Variants in PDGFD observed in about 807,000 individuals in gnomAD.
PDGFD encodes platelet derived growth factor D, also known as platelet-derived growth factor D.
In PDGFD, 30 loss-of-function variants were observed where a neutral mutation model predicts 44.7. The ratio of observed to expected loss-of-function variants is 0.67; its 90% confidence interval spans 0.50 to 0.91. The LOEUF (loss-of-function observed/expected upper bound fraction) is 0.91, where lower values mean the gene tolerates loss of function less well. PDGFD is among the 40% of genes least tolerant of loss of function. The pLI is 0.00. For missense variants in PDGFD, 445 were observed against 457.8 expected, an observed-to-expected ratio of 0.97 and a Z score of 0.25; for synonymous variants, 173 against 168.4, an observed-to-expected ratio of 1.03 and a Z score of -0.21.
intron 3 of PDGFD, among the ~76,000 whole-genome samples, chr11:103,967,010 C>T (rs151266541): frequency 3.9e-5 from 6 of 152,300 alleles, no homozygotes; most frequent in African/African-American, 1.4e-4. Context: ...TGGCTTCATT[C>T]AAGCACTTTC....
intron 1 of PDGFD, among the ~76,000 whole-genome samples, chr11:104,028,441 T>G (rs1860078879): frequency 1.3e-5 from 2 of 151,352 alleles, no homozygotes; most frequent in Non-Finnish European, 1.5e-5. Flanking sequence ...TTTTTGCTTT[T>G]TTTTTTTTCA....
chr11:104,022,266 T>C (rs778982269), intron 1 of PDGFD, among the ~76,000 whole-genome samples: 3 of 152,170 alleles, frequency 2.0e-5, no homozygotes, highest in Non-Finnish European at 4.4e-5. Flanking sequence ...GTGGACTCAA[T>C]TGATCTACAA....
At chr11:104,149,083 G>A (rs1862207502) in intron 1 of PDGFD, among the ~76,000 whole-genome samples, 1 of 152,050 alleles carries the variant, frequency 6.6e-6, no homozygotes. Flanking sequence ...CAAGAGTTTG[G>A]TTCAATTTCA....
At chr11:104,032,512 A>G (rs1034959905) in intron 1 of PDGFD, among the ~76,000 whole-genome samples, 1 of 152,180 alleles carries the variant, frequency 6.6e-6, no homozygotes, top group African/African-American at 2.4e-5. Flanking sequence ...ATTACTGTAT[A>G]TGTTACATAG....
chr11:104,126,659 T>C (rs1861845464), intron 1 of PDGFD, among the ~76,000 whole-genome samples: 1 of 152,140 alleles, frequency 6.6e-6, no homozygotes, highest in Non-Finnish European at 1.5e-5. Flanking sequence ...CATATCTACA[T>C]AATGTGACAG....
chr11:104,035,115 T>C (rs1860203630), intron 1 of PDGFD, among the ~76,000 whole-genome samples: 1 of 152,078 alleles, frequency 6.6e-6, no homozygotes, highest in African/African-American at 2.4e-5. Flanking sequence ...GAGAGAGGCA[T>C]ATTGGCCTCT....
At chr11:103,923,201 A>G (rs1037019051) in intron 6 of PDGFD, among the ~76,000 whole-genome samples, 1 of 152,042 alleles carries the variant, frequency 6.6e-6, no homozygotes, top group Non-Finnish European at 1.5e-5. Context: ...TTCCTACTCT[A>G]TATCTAGTAT....
intron 3 of PDGFD, among the ~76,000 whole-genome samples, chr11:103,981,229 C>T (rs914226613): frequency 1.1e-4 from 17 of 151,568 alleles, no homozygotes; most frequent in African/African-American, 4.1e-4. Context: ...TGCAAACTCC[C>T]TTACCGTGTA....
intron 5 of PDGFD, among the ~76,000 whole-genome samples, chr11:103,942,450 T>A (rs1400137940): frequency 6.6e-6 from 1 of 152,130 alleles, no homozygotes; most frequent in Non-Finnish European, 1.5e-5. Context: ...TTTATTTTTT[T>A]AGTTTAAGCA....
chr11:104,013,183 T>C (rs1030668976), intron 1 of PDGFD, among the ~76,000 whole-genome samples: 15 of 152,142 alleles, frequency 9.9e-5, no homozygotes, highest in African/African-American at 3.4e-4. Context: ...GGGAAGATTA[T>C]CTTCCCAATC....
At chr11:103,938,271 T>C (rs961686447) in intron 5 of PDGFD, among the ~76,000 whole-genome samples, 17 of 152,220 alleles carry the variant, frequency 1.1e-4, no homozygotes, top group Admixed American at 2.6e-4. Flanking sequence ...TGGTATCTCA[T>C]TGTGGTTTTG....
intron 1 of PDGFD, among the ~76,000 whole-genome samples, chr11:104,012,823 AG>A (rs1403748592): frequency 6.6e-6 from 1 of 152,246 alleles, no homozygotes; most frequent in Non-Finnish European, 1.5e-5. Flanking sequence ...AGAGCTATGC[AG>A]GGGAAACCAG....
At chr11:104,050,208 T>C (rs1860510392) in intron 1 of PDGFD, among the ~76,000 whole-genome samples, 1 of 152,102 alleles carries the variant, frequency 6.6e-6, no homozygotes, top group Non-Finnish European at 1.5e-5. Context: ...AAGAGTTCAT[T>C]ACTTGTAATA....
At chr11:103,962,340 T>C (rs1199648868) in intron 3 of PDGFD, among the ~76,000 whole-genome samples, 1 of 152,176 alleles carries the variant, frequency 6.6e-6, no homozygotes, top group Non-Finnish European at 1.5e-5. Context: ...GAGGATTCAA[T>C]AGATGAGAAT....
intron 1 of PDGFD, chr11:104,037,668 G>A (rs1860274062): frequency 6.2e-7 from 1 of 1,614,172 alleles, no homozygotes; most frequent in Non-Finnish European, 8.5e-7. Context: ...TGAGGCTGGT[G>A]GACCGACGGT....
At chr11:103,997,931 T>A (rs1465182498) in intron 2 of PDGFD, among the ~76,000 whole-genome samples, 1 of 152,064 alleles carries the variant, frequency 6.6e-6, no homozygotes, top group Non-Finnish European at 1.5e-5. Context: ...TACTTCTACT[T>A]CCTTCCATAA....
At position 104,000,250 on chromosome 11, in the gene PDGFD, T is replaced by G. The variant is rs775874895; in HGVS notation, c.130A>C (p.Asn44His). 1 of 1,613,670 alleles carries G rather than the reference T, an allele frequency of 6.2e-7. No homozygotes were observed. The highest frequency in any genetic ancestry group is 1.1e-5 in the South Asian group (1 of 91,050). ...CTTCGGTACAAGTCTGTGAGGTGAT[T>G]GCTCTCTGTTAGTAGTCACAACTTG... ...RNANLRRDESNHLTDLYRRDE... is the reference protein window; with the variant it reads ...RNANLRRDESHHLTDLYRRDE... Residue 44 changes from asparagine to histidine, a missense_variant, in exon 2 of 7, where the codon AAT becomes CAT. Physicochemically the swap from Asn to His is moderately conservative, Grantham distance 68. Coordinates refer to ENST00000393158, the MANE Select transcript of PDGFD (RefSeq NM_025208.5).
chr11:103,913,142 C>G (rs552192815), intron 6 of PDGFD, among the ~76,000 whole-genome samples: 14 of 151,426 alleles, frequency 9.2e-5, no homozygotes, highest in Non-Finnish European at 1.5e-4. Context: ...AGCTCTGGAC[C>G]AAGCGGACCT....
chr11:103,930,288 C>G (rs1320590444), intron 5 of PDGFD, among the ~76,000 whole-genome samples: 1 of 152,060 alleles, frequency 6.6e-6, no homozygotes, highest in Non-Finnish European at 1.5e-5. Context: ...TAGGTGCAGC[C>G]TAATCACAGA....
Sources: allele counts gnomAD v4.1 joint callset (sites outside exome capture counted in the v4.1 genomes callset), GRCh38; gene constraint gnomAD v4.1.1; transcripts MANE v1.5; gene names NCBI Gene and HGNC (gene_info 2026-07-23, HGNC 2026-07-21).